Variants in NR2C1 observed in about 807,000 individuals in gnomAD.
The protein encoded by NR2C1 is TR2 nuclear hormone receptor.
NR2C1 carries 33 observed loss-of-function variants against 74.8 expected under a neutral mutation model. That is an observed-to-expected ratio of 0.44 (90% CI 0.33 to 0.59). The LOEUF is 0.59. NR2C1 is among the 20% of genes least tolerant of loss of function. The pLI, the probability that NR2C1 is intolerant of heterozygous loss-of-function variation, is 0.02. For missense variants in NR2C1, 568 were observed against 715.6 expected (o/e 0.79, Z 2.35); for synonymous variants, 225 against 240.6 (o/e 0.94, Z 0.60).
chr12:95,073,340 C>G (rs1213013586), intron 1 of NR2C1, 40 bp downstream of exon 1: 2 of 152,270 alleles, frequency 1.3e-5, no homozygotes, highest in Non-Finnish European at 2.9e-5. Context: ...GGCCCCCGCC[C>G]CCGACGCGGT....
intron 9 of NR2C1, among the ~76,000 whole-genome samples, chr12:95,043,244 G>C (rs1871827291): frequency 6.6e-6 from 1 of 152,068 alleles, no homozygotes; most frequent in African/African-American, 2.4e-5. Context: ...CTGGGTGACA[G>C]AGCAAGACCA....
chr12:95,052,681 G>A (rs1873200100), intron 7 of NR2C1, among the ~76,000 whole-genome samples: 4 of 151,330 alleles, frequency 2.6e-5, no homozygotes, highest in Middle Eastern at 6.8e-3. Context: ...TTGAACTCCT[G>A]GTATCAAGTG....
chr12:95,029,421 A>G (rs1869772314), intron 11 of NR2C1, among the ~76,000 whole-genome samples: 2 of 152,120 alleles, frequency 1.3e-5, no homozygotes, highest in Non-Finnish European at 2.9e-5. Flanking sequence ...TTAAAAAATG[A>G]ATTATTTTCT....
chr12:95,041,779 T>C (rs1871559572), intron 9 of NR2C1, among the ~76,000 whole-genome samples: 1 of 152,186 alleles, frequency 6.6e-6, no homozygotes, highest in African/African-American at 2.4e-5. Flanking sequence ...GTACATGCAA[T>C]AATACCACTT....
At position 95,054,752 on chromosome 12, in the gene NR2C1, TTTTTA is replaced by T. The variant is rs746391499; in HGVS notation, c.783+2796_783+2800del. Reference sequence around the variant, plus strand: ...CTAGCAACATATCTAACTAGATTCTTTTTTATTTTATTTTATTTTTTTATTGATCA... The same window carrying T: ...CTAGCAACATATCTAACTAGATTCTTTTTTATTTTATTTTTTTATTGATCA... On this transcript the variant is annotated intron_variant, in intron 7 of 13. Coordinates refer to ENST00000333003, the MANE Select transcript of NR2C1 (RefSeq NM_003297.4). Among the ~76,000 whole-genome samples, 261 of 152,316 alleles carry T rather than the reference TTTTTA, an allele frequency of 1.7e-3. 1 individual carries two copies. Among genetic ancestry groups the T allele is most frequent in the African/African-American group, 5.6e-3 (233 of 41,564 alleles).
intron 13 of NR2C1, among the ~76,000 whole-genome samples, chr12:95,023,958 A>C (rs1281106342): frequency 1.3e-5 from 2 of 152,088 alleles, no homozygotes; most frequent in Non-Finnish European, 2.9e-5. Context: ...GCACTCTAAC[A>C]CCTCAGACCA....
rs369911528 is a variant in NR2C1, at chr12:95,069,684, A to T, written c.-7-2293T>A. 2.6e-5 allele frequency among the ~76,000 whole-genome samples: 4 copies of T among 152,196 alleles called. No homozygotes were observed. The East Asian group carries it at 7.7e-4, about 29-fold the overall frequency. On this transcript the variant is annotated intron_variant, in intron 1 of 13. Coordinates refer to ENST00000333003, the MANE Select transcript of NR2C1 (RefSeq NM_003297.4). ...AAGACTAAATTTAACTCCGAAGATA[A>T]GGCAACACACACATTCCTTTTTTTC...
chr12:95,064,575 A>G (rs1198967887), intron 2 of NR2C1, among the ~76,000 whole-genome samples: 1 of 152,184 alleles, frequency 6.6e-6, no homozygotes, highest in African/African-American at 2.4e-5. Flanking sequence ...GAATATGAAG[A>G]AAGAAGAGTC....
rs1225798826 is a variant in NR2C1 at position 95,059,910 on chromosome 12, T to C, written c.360A>G (p.Ala120=). ...FDLCVVCGDK[A]SGRHYGAVTC... ...GGAGGTTATTCTTAATGTTACCTGA[T>C]GCTTTGTCTCCACATACTACGCAAA... is the stretch of plus-strand genomic sequence containing the variant. Residue 120 remains alanine (A), a synonymous_variant, in exon 4 of 14, where the codon GCA becomes GCG. Transcript: ENST00000333003. The C allele has an allele frequency of 6.3e-7, 1 of 1,586,162 alleles. No homozygotes were observed. Among genetic ancestry groups the C allele is most frequent in the Admixed American group, 1.8e-5 (1 of 55,068 alleles).
chr12:95,032,005 T>C (rs1449177461), intron 10 of NR2C1, among the ~76,000 whole-genome samples: 1 of 152,160 alleles, frequency 6.6e-6, no homozygotes, highest in African/African-American at 2.4e-5. Flanking sequence ...GTAGCTGGGA[T>C]TACAGGCATG....
At chr12:95,027,438 T>G (rs1172514508) in intron 12 of NR2C1, among the ~76,000 whole-genome samples, 1 of 152,118 alleles carries the variant, frequency 6.6e-6, no homozygotes, top group Non-Finnish European at 1.5e-5. Context: ...AATTCACCAA[T>G]TTAAAGTATA....
chr12:95,042,655 A>G (rs552728615), intron 9 of NR2C1, among the ~76,000 whole-genome samples: 1 of 152,318 alleles, frequency 6.6e-6, no homozygotes, highest in Non-Finnish European at 1.5e-5. Flanking sequence ...TTAGCCAAGA[A>G]TGGTTTACCT....
chr12:95,043,689 C>CCAAAAAAAAAAA lies in NR2C1; in HGVS notation c.1132-3093_1132-3092insTTTTTTTTTTTG, dbSNP rs575940640. On this transcript the variant is annotated intron_variant, in intron 9 of 13. Transcript: ENST00000333003. ...TGGGAGACAGAGCAAGACTCTGTCTCAAAAAAAAAAAAAATCCTTTGCAAA... is the reference window on the plus strand; with the variant it reads ...TGGGAGACAGAGCAAGACTCTGTCTCCAAAAAAAAAAAAAAAAAAAAAAAAATCCTTTGCAAA... Among the ~76,000 whole-genome samples, 20 of 94,286 alleles carry CCAAAAAAAAAAA rather than the reference C, an allele frequency of 2.1e-4. 1 individual carries two copies. The highest frequency in any genetic ancestry group is 7.6e-4 in the African/African-American group (19 of 25,012). 61.9% of individuals were successfully genotyped at this position (94,286 alleles called of 152,430 possible).
chr12:95,028,352 A>G lies in NR2C1; in HGVS notation c.1531+35T>C, dbSNP rs753603965. The stretch of plus-strand genomic sequence containing the variant: ...CTTCTATTTCTCCACATCGTGAAAC[A>G]TTTTATTTTGAATAAAAAGTAAATG... On this transcript the variant is annotated intron_variant, in intron 12 of 13. Coordinates refer to ENST00000333003, the MANE Select transcript of NR2C1 (RefSeq NM_003297.4). The G allele has an allele frequency of 4.5e-6, 7 of 1,568,352 alleles. No individual in the cohort carries two copies. In the Admixed American group the frequency reaches 1.3e-4, roughly 28 times the overall value.
chr12:95,060,135 G>GA, intron 3 of NR2C1, 151 bp from the exon 4 acceptor site: 1 of 639,068 alleles, frequency 1.6e-6, no homozygotes, highest in East Asian at 2.8e-5. Context: ...TGTACTCTAT[G>GA]AAGAGCTCAG....
intron 2 of NR2C1, 98 bp downstream of exon 2, chr12:95,067,233 A>G (rs1875846021): frequency 7.6e-6 from 7 of 915,860 alleles, no homozygotes; most frequent in South Asian, 6.9e-5. Context: ...AAGTTAGGGA[A>G]TATCTTTTAT....
At chr12:95,031,281 G>A in intron 11 of NR2C1, 68 bp downstream of exon 11, 1 of 1,310,854 alleles carries the variant, frequency 7.6e-7, no homozygotes, top group East Asian at 2.6e-5. Context: ...TCTAACTTTA[G>A]TCATAACATT....
At chr12:95,025,044 A>C in intron 13 of NR2C1, 106 bp downstream of exon 13, 1 of 533,802 alleles carries the variant, frequency 1.9e-6, no homozygotes, top group Non-Finnish European at 3.2e-6. Flanking sequence ...TTCAAAGTTA[A>C]GGTTGCCTAA....
chr12:95,028,340 A>G (rs748354063), intron 12 of NR2C1, 47 bp downstream of exon 12: 16 of 1,520,052 alleles, frequency 1.1e-5, no homozygotes, highest in Non-Finnish European at 1.3e-5. Context: ...CTATTTCTCC[A>G]CATCGTGAAA....
Sources: allele counts gnomAD v4.1 joint callset (sites outside exome capture counted in the v4.1 genomes callset), GRCh38; gene constraint gnomAD v4.1.1; transcripts MANE v1.5; gene names NCBI Gene and HGNC (gene_info 2026-07-23, HGNC 2026-07-21).